The following RFC3 variants were observed in gnomAD, a reference collection of about 807,000 sequenced individuals.
RFC3 encodes the protein A1 38 kDa subunit.
Under a neutral mutation model 45.1 loss-of-function variants are expected in RFC3, and 41 were observed. The ratio of observed to expected loss-of-function variants is 0.91; its 90% CI spans 0.71 to 1.18. The LOEUF is 1.18. Ranked by LOEUF, RFC3 falls within the 50% of genes most tolerant of loss-of-function variation. The probability of loss-of-function intolerance (pLI) is 0.00; values close to 1 mark genes in which losing one functional copy is unlikely to be tolerated. For synonymous variants in RFC3, 149 were observed against 144.0 expected (o/e 1.03, Z -0.25); for missense variants, 423 against 428.1 (o/e 0.99, Z 0.10).
At chr13:33,853,893 A>G (rs1174214044) in intron 8 of RFC3, among the ~76,000 whole-genome samples, 1 of 152,182 alleles carries the variant, frequency 6.6e-6, no homozygotes, top group Non-Finnish European at 1.5e-5. Context: ...AAGGAGTTGT[A>G]GAAATCTGGA....
At chr13:33,822,514 A>G (rs532543583) in intron 2 of RFC3, among the ~76,000 whole-genome samples, 5 of 152,314 alleles carry the variant, frequency 3.3e-5, no homozygotes, top group East Asian at 1.9e-4. Flanking sequence ...TTGTATGTCT[A>G]TTGTAAATAA....
At chr13:33,833,137 G>A (rs1412174812) in intron 7 of RFC3, among the ~76,000 whole-genome samples, 1 of 152,086 alleles carries the variant, frequency 6.6e-6, no homozygotes, top group Non-Finnish European at 1.5e-5. Flanking sequence ...TGGAAGTCTG[G>A]TATCTTTCTG....
chr13:33,837,695 T>C (rs923109607), downstream of RFC3, among the ~76,000 whole-genome samples: 3 of 152,134 alleles, frequency 2.0e-5, no homozygotes, highest in African/African-American at 7.2e-5. Context: ...TTATTGACTT[T>C]CTATGTTGTT....
At chr13:33,895,455 C>A (rs1048031390) in intron 8 of RFC3, among the ~76,000 whole-genome samples, 3 of 152,090 alleles carry the variant, frequency 2.0e-5, no homozygotes, top group Non-Finnish European at 4.4e-5. Context: ...CTTACTCCAG[C>A]TAGAATGGCC....
chr13:33,892,737 A>T (rs1382070349), intron 8 of RFC3, among the ~76,000 whole-genome samples: 1 of 152,104 alleles, frequency 6.6e-6, no homozygotes, highest in African/African-American at 2.4e-5. Flanking sequence ...CCAGACAAAA[A>T]CCAAAAACAA....
chr13:33,885,446 T>C (rs1165685353), intron 8 of RFC3, among the ~76,000 whole-genome samples: 1 of 152,178 alleles, frequency 6.6e-6, no homozygotes, highest in African/African-American at 2.4e-5. Context: ...CTGGATAATG[T>C]ACATTATACA....
At chr13:33,875,379 G>A (rs1319131525) in intron 8 of RFC3, among the ~76,000 whole-genome samples, 1 of 152,208 alleles carries the variant, frequency 6.6e-6, no homozygotes, top group Non-Finnish European at 1.5e-5. Flanking sequence ...CCTGCAGAAT[G>A]ACGAAGCATT....
intron 8 of RFC3, among the ~76,000 whole-genome samples, chr13:33,891,189 C>T (rs997222384): frequency 1.3e-5 from 2 of 152,088 alleles, no homozygotes; most frequent in African/African-American, 4.8e-5. Flanking sequence ...ATTAAATATA[C>T]AACTAAGAGT....
chr13:33,964,406 T>TC (rs1262286591), intron 8 of RFC3, among the ~76,000 whole-genome samples: 1 of 152,158 alleles, frequency 6.6e-6, no homozygotes, highest in Non-Finnish European at 1.5e-5. Context: ...TAGTGCATAG[T>TC]CCCCAAGCTT....
chr13:33,832,712 C>G (rs945061971), intron 7 of RFC3, among the ~76,000 whole-genome samples: 5 of 152,012 alleles, frequency 3.3e-5, no homozygotes, highest in African/African-American at 1.2e-4. Context: ...GAGACCTCAC[C>G]CTTTAAAGAG....
downstream of RFC3, among the ~76,000 whole-genome samples, chr13:33,842,079 G>T (rs888296711): frequency 3.9e-5 from 6 of 152,054 alleles, no homozygotes; most frequent in East Asian, 1.2e-3. Context: ...CCAGGAGCCC[G>T]AGATGATCTG....
chr13:33,915,868 G>A (rs955036700), intron 8 of RFC3, among the ~76,000 whole-genome samples: 5 of 151,928 alleles, frequency 3.3e-5, no homozygotes, highest in Non-Finnish European at 5.9e-5. Context: ...GTGCGATCTC[G>A]GCTCATTGCA....
At chr13:33,821,501 T>C (rs369774437) in intron 2 of RFC3, among the ~76,000 whole-genome samples, 3 of 152,170 alleles carry the variant, frequency 2.0e-5, no homozygotes, top group African/African-American at 7.2e-5. Flanking sequence ...GGGTAAAATG[T>C]AGAGGGTGAG....
intron 8 of RFC3, among the ~76,000 whole-genome samples, chr13:33,871,244 C>T (rs1368677087): frequency 6.6e-6 from 1 of 152,150 alleles, no homozygotes; most frequent in African/African-American, 2.4e-5. Flanking sequence ...TCAAAACAAC[C>T]CACATTTATC....
At chr13:33,974,673 G>A in the RFC3 span, among the ~76,000 whole-genome samples, 12 of 152,092 alleles carry the variant, frequency 7.9e-5, no homozygotes, top group Admixed American at 3.9e-4. Flanking sequence ...TGATTTATCA[G>A]AATAGATTTT....
intron 8 of RFC3, among the ~76,000 whole-genome samples, chr13:33,859,641 T>C (rs550236686): frequency 2.0e-5 from 3 of 152,346 alleles, no homozygotes; most frequent in South Asian, 4.1e-4. Context: ...CTGAGGAACA[T>C]GAATTATTTT....
At chr13:33,961,911 C>A (rs1370735518) in intron 8 of RFC3, among the ~76,000 whole-genome samples, 1 of 152,138 alleles carries the variant, frequency 6.6e-6, no homozygotes, top group Non-Finnish European at 1.5e-5. Flanking sequence ...AAAGGCTATA[C>A]CGTGAAATCT....
At chr13:33,870,746 G>C (rs2082402087) in intron 8 of RFC3, among the ~76,000 whole-genome samples, 1 of 151,916 alleles carries the variant, frequency 6.6e-6, no homozygotes, top group Admixed American at 6.6e-5. Context: ...TTGTTTGTTT[G>C]TTCTGTTTTG....
At chr13:33,966,560 C>CT (rs2083089034), downstream of RFC3, 1 of 167,042 alleles carries the variant, frequency 6.0e-6, no homozygotes, top group Non-Finnish European at 1.3e-5. Context: ...TCTTCTTTAG[C>CT]TTTGGTCTGC....
Sources: gnomAD v4.1 joint callset for allele counts (sites outside exome capture counted in the v4.1 genomes callset) on GRCh38, gnomAD v4.1.1 for gene constraint, MANE v1.5 for transcripts, NCBI Gene and HGNC (gene_info 2026-07-23, HGNC 2026-07-21) for gene names.